ELP3: variants seen among roughly 807,000 people sequenced by gnomAD.
The protein encoded by ELP3 is elongator acetyltransferase complex subunit 3.
A neutral mutation model predicts 74.9 loss-of-function variants in ELP3; 56 were observed. The ratio of observed to expected loss-of-function variants is 0.75; its 90% confidence interval spans 0.60 to 0.93. The LOEUF (loss-of-function observed/expected upper bound fraction) is 0.93. ELP3 is among the 40% of genes least tolerant of loss of function. The pLI is 0.00. For missense variants in ELP3, 573 were observed against 686.5 expected (o/e 0.83, Z 1.85); for synonymous variants, 222 against 239.8 (o/e 0.93, Z 0.68).
intron 1 of ELP3, among the ~76,000 whole-genome samples, chr8:28,095,629 A>C (rs1192585131): frequency 2.6e-5 from 4 of 152,208 alleles, no homozygotes; most frequent in Non-Finnish European, 5.9e-5. Flanking sequence ...TCATTAAATT[A>C]GATGCAGTGT....
At chr8:28,135,966 T>C (rs1454329813) in intron 9 of ELP3, among the ~76,000 whole-genome samples, 2 of 151,446 alleles carry the variant, frequency 1.3e-5, no homozygotes, top group African/African-American at 4.8e-5. Context: ...GTTCCTTTTT[T>C]TTTTTTTTTT....
chr8:28,182,902 T>C (rs1385779249), intron 14 of ELP3, among the ~76,000 whole-genome samples: 1 of 152,234 alleles, frequency 6.6e-6, no homozygotes, highest in Non-Finnish European at 1.5e-5. Context: ...GCTGTACCCC[T>C]GGGTCTCCTC....
intron 3 of ELP3, among the ~76,000 whole-genome samples, chr8:28,102,022 A>G (rs1194546627): frequency 6.6e-6 from 1 of 152,126 alleles, no homozygotes; most frequent in Non-Finnish European, 1.5e-5. Context: ...GTCTCTGATC[A>G]TTTCTGTCCT....
At chr8:28,092,573 T>C (rs1424598936), upstream of ELP3, among the ~76,000 whole-genome samples, 1 of 152,138 alleles carries the variant, frequency 6.6e-6, no homozygotes, top group Admixed American at 6.5e-5. Flanking sequence ...GAGTTTAGGG[T>C]CCCGAGATGT....
rs781671040 is a variant in ELP3, at chr8:28,099,929, C to A, written c.221C>A (p.Pro74His). ...VPPQYRKVLM[P>H]KLKAKPIRTA... ...CCTCAGTATCGCAAGGTCTTGATGC[C>A]CAAGTTAAAGGCGAAACCCATCAGA... Residue 74 changes from proline to histidine, a missense_variant, in exon 3 of 15, where the codon CCC (proline) becomes CAC (histidine). Physicochemically the swap from Pro to His is moderately conservative, Grantham distance 77. Coordinates refer to ENST00000256398, the MANE Select transcript of ELP3 (RefSeq NM_018091.6). 1 of 1,614,024 alleles carries A rather than the reference C, an allele frequency of 6.2e-7. No individual in the cohort carries two copies. The highest frequency in any genetic ancestry group is 2.2e-5 in the East Asian group (1 of 44,900).
intron 8 of ELP3, among the ~76,000 whole-genome samples, chr8:28,131,173 T>C (rs1812773776): frequency 1.3e-5 from 2 of 152,094 alleles, no homozygotes; most frequent in Admixed American, 6.5e-5. Flanking sequence ...TAAGAGAGAA[T>C]GGGAAGTCAA....
chr8:28,182,854 G>T (rs1200421549), intron 14 of ELP3, among the ~76,000 whole-genome samples: 1 of 152,326 alleles, frequency 6.6e-6, no homozygotes, highest in African/African-American at 2.4e-5. Context: ...ATCATGAGGG[G>T]CTTGAGGACA....
At chr8:28,111,736 C>G (rs1419606855) in intron 6 of ELP3, among the ~76,000 whole-genome samples, 1 of 152,162 alleles carries the variant, frequency 6.6e-6, no homozygotes, top group African/African-American at 2.4e-5. Flanking sequence ...AAAAAAGGAG[C>G]ATAGTTTACA....
chr8:28,132,237 A>G, intron 8 of ELP3, 41 bp from the exon 9 acceptor site: 1 of 1,610,664 alleles, frequency 6.2e-7, no homozygotes, highest in Non-Finnish European at 8.5e-7. Context: ...TGTTACACAA[A>G]TAGGTAGTGA....
intron 10 of ELP3, among the ~76,000 whole-genome samples, chr8:28,139,632 C>T (rs1481143705): frequency 6.6e-6 from 1 of 152,074 alleles, no homozygotes; most frequent in Non-Finnish European, 1.5e-5. Flanking sequence ...ATAGTACTTA[C>T]AGTGTATTAG....
chr8:28,145,168 T>TG (rs1206674308), intron 10 of ELP3, among the ~76,000 whole-genome samples: 1 of 152,192 alleles, frequency 6.6e-6, no homozygotes, highest in Admixed American at 6.5e-5. Context: ...GAAGGCTGAG[T>TG]GTTTATACAG....
chr8:28,153,714 C>T (rs1009264716), intron 10 of ELP3, among the ~76,000 whole-genome samples: 1 of 152,192 alleles, frequency 6.6e-6, no homozygotes, highest in Non-Finnish European at 1.5e-5. Flanking sequence ...CCTGGATTAT[C>T]TCCTCTGAGT....
At chr8:28,094,276 C>T (rs1811165525) in intron 1 of ELP3, among the ~76,000 whole-genome samples, 1 of 152,186 alleles carries the variant, frequency 6.6e-6, no homozygotes, top group African/African-American at 2.4e-5. Context: ...TCATTCTGGC[C>T]GCCAACCTCC....
At chr8:28,109,041 G>T (rs1469218678) in intron 5 of ELP3, among the ~76,000 whole-genome samples, 1 of 152,122 alleles carries the variant, frequency 6.6e-6, no homozygotes, top group African/African-American at 2.4e-5. Flanking sequence ...TGCAGTGCAG[G>T]GGGTGAGGGA....
chr8:28,105,293 G>A (rs1585640450), intron 3 of ELP3, among the ~76,000 whole-genome samples: 1 of 152,206 alleles, frequency 6.6e-6, no homozygotes, highest in African/African-American at 2.4e-5. Context: ...GGGAGGCTGA[G>A]GCAGGAGAAT....
At chr8:28,127,389 G>GT (rs1306831409) in intron 7 of ELP3, among the ~76,000 whole-genome samples, 1 of 152,000 alleles carries the variant, frequency 6.6e-6, no homozygotes, top group Non-Finnish European at 1.5e-5. Flanking sequence ...AATACTGCAG[G>GT]TTTTTTAAAA....
At chr8:28,116,104 G>C (rs1298348320) in intron 7 of ELP3, among the ~76,000 whole-genome samples, 2 of 152,274 alleles carry the variant, frequency 1.3e-5, no homozygotes, top group East Asian at 3.9e-4. Flanking sequence ...CCTGGGTAGG[G>C]TTGCCTCTTG....
At position 28,099,836 on chromosome 8, in the gene ELP3, C is replaced by T; in HGVS notation, c.128C>T (p.Thr43Ile). ...AGATGCTTTACTTTCAGGGTGAAAA[C>T]CAAGACAGCTGCCAAATATGGCCTT... The part of the protein sequence containing the change: ...GKDIDLNKVK[T>I]KTAAKYGLSA... The change falls in exon 3 of 15, where the codon ACC (threonine) becomes ATC (isoleucine). Residue 43 changes from threonine (T) to isoleucine (I), a missense_variant. Transcript: ENST00000256398. The T allele has an allele frequency of 6.2e-7, 1 of 1,614,200 alleles. No individual in the cohort carries two copies. The highest frequency in any genetic ancestry group is 1.7e-5 in the Admixed American group (1 of 60,028).
intron 7 of ELP3, among the ~76,000 whole-genome samples, chr8:28,118,196 T>C (rs915057885): frequency 6.6e-6 from 1 of 152,230 alleles, no homozygotes; most frequent in Non-Finnish European, 1.5e-5. Context: ...TGATGTATTG[T>C]GACCTATGAG....
Sources: gnomAD v4.1 joint callset for allele counts (sites outside exome capture counted in the v4.1 genomes callset) on GRCh38, gnomAD v4.1.1 for gene constraint, MANE v1.5 for transcripts, NCBI Gene and HGNC (gene_info 2026-07-23, HGNC 2026-07-21) for gene names.